The following LDB2 variants were observed in gnomAD, a reference collection of about 807,000 sequenced individuals.
The protein encoded by LDB2 is LIM domain-binding protein 2.
Under a neutral mutation model 44.3 loss-of-function variants are expected in LDB2, and 12 were observed. The observed-to-expected ratio is 0.27, with a 90% CI of 0.17 to 0.44. The LOEUF (loss-of-function observed/expected upper bound fraction) is 0.44, where lower values mean the gene tolerates loss of function less well. Ranked by LOEUF, LDB2 falls within the 20% of genes least tolerant of loss-of-function variation. The pLI is 1.00. For synonymous variants in LDB2, 164 were observed against 174.8 expected, an observed-to-expected ratio of 0.94 and a Z score of 0.49; for missense variants, 344 against 473.5, an observed-to-expected ratio of 0.73 and a Z score of 2.54.
intron 2 of LDB2, among the ~76,000 whole-genome samples, chr4:16,743,978 A>T (rs2109040053): frequency 6.6e-6 from 1 of 152,360 alleles, no homozygotes; most frequent in South Asian, 2.1e-4. Context: ...ACTAAAATCA[A>T]GGCAGTTAAT....
At chr4:16,828,449 C>A (rs1783458601) in intron 1 of LDB2, among the ~76,000 whole-genome samples, 1 of 152,176 alleles carries the variant, frequency 6.6e-6, no homozygotes, top group Non-Finnish European at 1.5e-5. Flanking sequence ...AGGAGAGTTA[C>A]CTCCTTTTAG....
intron 2 of LDB2, among the ~76,000 whole-genome samples, chr4:16,715,892 G>A (rs1387908873): frequency 6.6e-6 from 1 of 152,104 alleles, no homozygotes; most frequent in East Asian, 1.9e-4. Context: ...GGCAGACTGA[G>A]TGGCAACTAT....
At chr4:16,539,016 A>C (rs1473947109) in intron 5 of LDB2, among the ~76,000 whole-genome samples, 1 of 152,230 alleles carries the variant, frequency 6.6e-6, no homozygotes, top group Non-Finnish European at 1.5e-5. Flanking sequence ...AGTAAGACTC[A>C]GTCCCCAATC....
chr4:16,782,562 C>T (rs141555217), intron 1 of LDB2, among the ~76,000 whole-genome samples: 2,215 of 152,090 alleles, frequency 0.015, 64 homozygotes, highest in African/African-American at 0.05. Flanking sequence ...ATATTAGCCA[C>T]GATTGTCTCA....
chr4:16,766,299 G>GGATACATTAT (rs1225697364), intron 1 of LDB2, among the ~76,000 whole-genome samples: 2 of 151,506 alleles, frequency 1.3e-5, no homozygotes, highest in Non-Finnish European at 2.9e-5. Flanking sequence ...TTACATGATA[G>GGATACATTAT]GATACATTAT....
intron 5 of LDB2, among the ~76,000 whole-genome samples, chr4:16,518,493 T>TTTC (rs1215689348): frequency 6.6e-6 from 1 of 151,992 alleles, no homozygotes; most frequent in Non-Finnish European, 1.5e-5. Context: ...TGTTTTTTTT[T>TTTC]TCGCTTTTAA....
chr4:16,885,154 T>TAAAA (rs57704740), intron 1 of LDB2, among the ~76,000 whole-genome samples: 8 of 94,812 alleles, frequency 8.4e-5, no homozygotes, highest in African/African-American at 1.3e-4. Flanking sequence ...ATACCACTTC[T>TAAAA]AAAAAAAAAA....
At chr4:16,530,392 C>T (rs1276872919) in intron 5 of LDB2, among the ~76,000 whole-genome samples, 2 of 152,090 alleles carry the variant, frequency 1.3e-5, no homozygotes, top group Admixed American at 1.3e-4. Flanking sequence ...GTTCTTGAAA[C>T]CCATAACTCT....
At chr4:16,534,415 C>A (rs887165533) in intron 5 of LDB2, among the ~76,000 whole-genome samples, 1 of 152,136 alleles carries the variant, frequency 6.6e-6, no homozygotes. Flanking sequence ...CTCCTAAACA[C>A]CCCGAGCTGG....
At chr4:16,544,346 G>A (rs1389334328) in intron 5 of LDB2, among the ~76,000 whole-genome samples, 1 of 152,200 alleles carries the variant, frequency 6.6e-6, no homozygotes, top group Non-Finnish European at 1.5e-5. Flanking sequence ...TGGCTTGGGG[G>A]AGTGATGGAG....
At chr4:16,710,726 T>C (rs1317930510) in intron 2 of LDB2, among the ~76,000 whole-genome samples, 1 of 152,162 alleles carries the variant, frequency 6.6e-6, no homozygotes, top group Non-Finnish European at 1.5e-5. Flanking sequence ...CAGAAACATA[T>C]CCCTAAACAA....
chr4:16,595,932 A>T, intron 2 of LDB2, 57 bp from the exon 3 acceptor site: 1 of 1,518,296 alleles, frequency 6.6e-7, no homozygotes. Context: ...CCAGCCCCAC[A>T]CACCCAACAC....
At chr4:16,744,110 G>A (rs142194886) in intron 2 of LDB2, among the ~76,000 whole-genome samples, 74 of 152,256 alleles carry the variant, frequency 4.9e-4, no homozygotes, top group African/African-American at 1.8e-3. Flanking sequence ...TGAGAGTATG[G>A]AAACTTTAGC....
At chr4:16,684,055 G>A (rs1195370789) in intron 2 of LDB2, among the ~76,000 whole-genome samples, 1 of 152,198 alleles carries the variant, frequency 6.6e-6, no homozygotes, top group Non-Finnish European at 1.5e-5. Flanking sequence ...GTTCCTGAAT[G>A]GGCAGCCAGC....
intron 5 of LDB2, among the ~76,000 whole-genome samples, chr4:16,552,857 G>A (rs34050857): frequency 0.14 from 20,848 of 152,154 alleles, 1,653 homozygotes; most frequent in East Asian, 0.3. Context: ...ACTGATGTTC[G>A]TCAGTCAGAG....
chr4:16,723,052 C>A (rs1758643268), intron 2 of LDB2, among the ~76,000 whole-genome samples: 1 of 152,034 alleles, frequency 6.6e-6, no homozygotes, highest in Admixed American at 6.6e-5. Context: ...GGATGTAACT[C>A]CACAGTAAGT....
chr4:16,581,451 A>C (rs1375003259), intron 5 of LDB2: 9 of 985,078 alleles, frequency 9.1e-6, no homozygotes, highest in Admixed American at 6.1e-5. Flanking sequence ...TTTGAATTAT[A>C]TCACTCAGCC....
chr4:16,768,146 C>T (rs1002629285), intron 1 of LDB2, among the ~76,000 whole-genome samples: 2 of 152,082 alleles, frequency 1.3e-5, no homozygotes, highest in Non-Finnish European at 2.9e-5. Flanking sequence ...ACATACACCC[C>T]CTCCAAAGAA....
intron 5 of LDB2, among the ~76,000 whole-genome samples, chr4:16,537,590 T>A (rs1334598051): frequency 6.6e-6 from 1 of 152,186 alleles, no homozygotes; most frequent in Admixed American, 6.5e-5. Context: ...CTTCTACAGT[T>A]ATCTGTGGGC....
Sources: gnomAD v4.1 joint callset for allele counts (sites outside exome capture counted in the v4.1 genomes callset) on GRCh38, gnomAD v4.1.1 for gene constraint, MANE v1.5 for transcripts, NCBI Gene and HGNC (gene_info 2026-07-23, HGNC 2026-07-21) for gene names.